Variants in WDR49 observed in about 807,000 individuals in gnomAD.
WDR49 encodes the protein WD repeat domain 49, also known as cilia- and flagella-associated protein 337.
Under a neutral mutation model 119.5 loss-of-function variants are expected in WDR49, and 107 were observed. The observed-to-expected ratio is 0.90, with a 90% confidence interval of 0.77 to 1.05. WDR49 has a LOEUF of 1.05. WDR49 is among the 50% of genes least tolerant of loss of function. The pLI, the probability that WDR49 is intolerant of heterozygous loss-of-function variation, is 0.00. For missense variants in WDR49, 1,240 were observed against 1,220.5 expected (o/e 1.02, Z -0.24); for synonymous variants, 425 against 418.8 (o/e 1.01, Z -0.18).
intron 7 of WDR49, among the ~76,000 whole-genome samples, chr3:167,586,325 AC>A (rs1714812920): frequency 1.3e-5 from 2 of 152,332 alleles, no homozygotes; most frequent in East Asian, 3.9e-4. Flanking sequence ...TGACTAAGTT[AC>A]TTGCCCTCAA....
In WDR49 at chr3:167,488,003, C is replaced by T. The variant is rs569019430; in HGVS notation, c.3032-9007G>A. ...AACTTAAAACAGAGCTACCACTTGA[C>T]CCAGAAATCTCACTACTGGAAATAC... On this transcript the variant is annotated intron_variant, in intron 18 of 18. Coordinates refer to ENST00000682715, the MANE Select transcript of WDR49 (RefSeq NM_001366157.1). Among the ~76,000 whole-genome samples, 538 of 152,064 alleles carry T rather than the reference C, an allele frequency of 3.5e-3. 4 individuals are homozygous for T. Among genetic ancestry groups the T allele is most frequent in the African/African-American group, 0.012 (512 of 41,500 alleles).
chr3:167,592,389 A>G (rs752094716), intron 7 of WDR49, among the ~76,000 whole-genome samples: 2 of 149,986 alleles, frequency 1.3e-5, no homozygotes, highest in Non-Finnish European at 3.0e-5. Flanking sequence ...TTGTGTACTT[A>G]CTATTACCAC....
intron 5 of WDR49, among the ~76,000 whole-genome samples, chr3:167,610,883 C>G (rs1716306332): frequency 6.6e-6 from 1 of 152,180 alleles, no homozygotes; most frequent in Non-Finnish European, 1.5e-5. Flanking sequence ...AGGGAGAGAA[C>G]AAGAGTCTCT....
intron 18 of WDR49, among the ~76,000 whole-genome samples, chr3:167,498,059 C>T (rs1198454390): frequency 6.6e-6 from 1 of 152,050 alleles, no homozygotes; most frequent in African/African-American, 2.4e-5. Flanking sequence ...CCAGGATGGC[C>T]TCAATCTCCT....
intron 8 of WDR49, among the ~76,000 whole-genome samples, chr3:167,564,617 G>GAC (rs1553866472): frequency 1.3e-5 from 2 of 152,190 alleles, no homozygotes; most frequent in Non-Finnish European, 2.9e-5. Context: ...ACGGGGCCCT[G>GAC]ACAGTCTGCA....
intron 11 of WDR49, 69 bp downstream of exon 11, chr3:167,536,801 T>C (rs1753051693): frequency 7.6e-7 from 1 of 1,323,508 alleles, no homozygotes; most frequent in Non-Finnish European, 9.7e-7. Flanking sequence ...TTTCTAAAGG[T>C]GAGTGAGCCA....
At chr3:167,505,619 G>C (rs1481222903) in intron 16 of WDR49, among the ~76,000 whole-genome samples, 2 of 152,198 alleles carry the variant, frequency 1.3e-5, no homozygotes, top group South Asian at 2.1e-4. Flanking sequence ...TAATAGAAAA[G>C]AGTGAGAGCC....
intron 18 of WDR49, among the ~76,000 whole-genome samples, chr3:167,484,689 C>CAAA (rs11354730): frequency 8.4e-6 from 1 of 119,408 alleles, no homozygotes; most frequent in African/African-American, 3.0e-5. Context: ...AGGATGATGG[C>CAAA]AAAAAAAAAA....
chr3:167,507,776 C>T (rs988617502), intron 16 of WDR49, among the ~76,000 whole-genome samples: 15 of 152,148 alleles, frequency 9.9e-5, no homozygotes, highest in East Asian at 1.9e-4. Flanking sequence ...AGTAGTCAGA[C>T]GGTAGGAGAG....
At chr3:167,489,878 G>A (rs911011477) in intron 18 of WDR49, among the ~76,000 whole-genome samples, 9 of 152,142 alleles carry the variant, frequency 5.9e-5, no homozygotes, top group East Asian at 1.9e-4. Context: ...CCTATTTTGC[G>A]TCTTCTAGAC....
intron 10 of WDR49, 41 bp downstream of exon 10, chr3:167,554,608 TC>T (rs1712804649): frequency 7.6e-7 from 1 of 1,313,488 alleles, no homozygotes; most frequent in African/African-American, 1.5e-5. Flanking sequence ...TGTTCTTTTT[TC>T]TTTTAGATTT....
chr3:167,621,576 C>A lies in WDR49; in HGVS notation c.674G>T (p.Cys225Phe), dbSNP rs1305369247. ...YDLLSKEEFA[C>F]QYKLQGLKGT... ...TTTCAGGCCTTGGAGTTTGTATTGG[C>A]AAGCAAATTCTTCTTTGGACAGCAG... Residue 225 changes from cysteine (C) to phenylalanine (F), a missense_variant, in exon 4 of 19, where the codon TGC becomes TTC. By Grantham distance (205) the Cys-to-Phe change is radical. Coordinates refer to ENST00000682715, the MANE Select transcript of WDR49 (RefSeq NM_001366157.1). 6.5e-7 allele frequency: 1 copy of A among 1,535,324 alleles called. No homozygotes were observed. The highest frequency in any genetic ancestry group is 2.0e-5 in the Admixed American group (1 of 50,948).
chr3:167,620,670 A>G, intron 4 of WDR49, 67 bp from the exon 5 acceptor site: 1 of 1,419,376 alleles, frequency 7.0e-7, no homozygotes, highest in Non-Finnish European at 9.3e-7. Flanking sequence ...ATTCTAGGTT[A>G]TTTTAGTTTA....
chr3:167,541,595 A>G (rs1407324718), intron 10 of WDR49, among the ~76,000 whole-genome samples: 1 of 152,174 alleles, frequency 6.6e-6, no homozygotes, highest in African/African-American at 2.4e-5. Flanking sequence ...TCCTTAAAGC[A>G]CAAATCTCAC....
intron 2 of WDR49, among the ~76,000 whole-genome samples, chr3:167,645,199 TA>T (rs1278189274): frequency 1.3e-5 from 2 of 151,816 alleles, no homozygotes; most frequent in Non-Finnish European, 2.9e-5. Context: ...TTATTTAATT[TA>T]ATTTATTTAT....
intron 18 of WDR49, among the ~76,000 whole-genome samples, chr3:167,481,591 G>A (rs552643491): frequency 1.3e-5 from 2 of 152,186 alleles, no homozygotes; most frequent in African/African-American, 2.4e-5. Flanking sequence ...GTATTAATTC[G>A]CTTTCACACT....
chr3:167,499,810 T>C (rs755386353), intron 18 of WDR49, among the ~76,000 whole-genome samples: 22 of 152,162 alleles, frequency 1.4e-4, no homozygotes, highest in Non-Finnish European at 2.1e-4. Context: ...TGTTCTAAAG[T>C]GGTCTTATGA....
intron 8 of WDR49, among the ~76,000 whole-genome samples, chr3:167,562,998 CA>C (rs1393288517): frequency 6.6e-6 from 1 of 152,130 alleles, no homozygotes; most frequent in African/African-American, 2.4e-5. Context: ...TGTGCATATC[CA>C]AATCAATTTA....
intron 8 of WDR49, chr3:167,575,309 CTGCTCCAGGGGAG>C: frequency 1.0e-6 from 1 of 986,640 alleles, no homozygotes; most frequent in Non-Finnish European, 1.2e-6. Context: ...CGCAGTAACT[CTGCTCCAGGGGAG>C]CCCTGCTTCT....
Sources: gnomAD v4.1 joint callset for allele counts (sites outside exome capture counted in the v4.1 genomes callset) on GRCh38, gnomAD v4.1.1 for gene constraint, MANE v1.5 for transcripts, NCBI Gene and HGNC (gene_info 2026-07-23, HGNC 2026-07-21) for gene names.